ADAMTS6: variants seen among roughly 807,000 people sequenced by gnomAD.
ADAMTS6 encodes the protein ADAM metallopeptidase with thrombospondin type 1 motif 6.
In ADAMTS6, 23 loss-of-function variants were observed where a neutral mutation model predicts 144.3. The observed-to-expected ratio is 0.16, with a 90% CI of 0.11 to 0.23. ADAMTS6 has a LOEUF of 0.23. Among genes scored for constraint, ADAMTS6 ranks in the 10% least tolerant of loss-of-function variants. ADAMTS6 has a pLI of 1.00. For missense variants in ADAMTS6, 999 were observed against 1,379.6 expected, an observed-to-expected ratio of 0.72 and a Z score of 4.37; for synonymous variants, 444 against 457.5, an observed-to-expected ratio of 0.97 and a Z score of 0.38.
intron 14 of ADAMTS6, among the ~76,000 whole-genome samples, chr5:65,247,345 A>G (rs1368305678): frequency 6.6e-6 from 1 of 152,100 alleles, no homozygotes; most frequent in Non-Finnish European, 1.5e-5. Context: ...CTGGTAGACA[A>G]ATCTAAAAAA....
intron 14 of ADAMTS6, among the ~76,000 whole-genome samples, chr5:65,255,801 T>G (rs181932451): frequency 3.3e-5 from 5 of 152,242 alleles, no homozygotes; most frequent in Admixed American, 3.3e-4. Flanking sequence ...AATAACCTAG[T>G]CTATCATGAC....
intron 10 of ADAMTS6, among the ~76,000 whole-genome samples, chr5:65,292,167 C>T (rs548914999): frequency 1.3e-5 from 2 of 152,172 alleles, no homozygotes; most frequent in African/African-American, 4.8e-5. Flanking sequence ...GAACAAATAA[C>T]ATAAAGGTCG....
chr5:65,161,620 T>C (rs1025387718), intron 24 of ADAMTS6, among the ~76,000 whole-genome samples: 1 of 152,224 alleles, frequency 6.6e-6, no homozygotes, highest in African/African-American at 2.4e-5. Flanking sequence ...AAAATTTTCA[T>C]TTAAGTATTT....
At chr5:65,175,095 G>C (rs1157820665) in intron 22 of ADAMTS6, among the ~76,000 whole-genome samples, 1 of 152,052 alleles carries the variant, frequency 6.6e-6, no homozygotes, top group African/African-American at 2.4e-5. Context: ...CTTGGTTACA[G>C]CTGGTTTTAG....
chr5:65,402,608 A>T (rs1201976689), intron 7 of ADAMTS6, among the ~76,000 whole-genome samples: 2 of 152,020 alleles, frequency 1.3e-5, no homozygotes, highest in Non-Finnish European at 2.9e-5. Context: ...TCACACACCA[A>T]ATCTGACCAA....
At chr5:65,210,780 G>C in intron 20 of ADAMTS6, 1 of 608,502 alleles carries the variant, frequency 1.6e-6, no homozygotes, top group Non-Finnish European at 3.1e-6. Context: ...ATGCTTACAA[G>C]AAACAGTTCT....
At position 65,224,419 on chromosome 5, in the gene ADAMTS6, C is replaced by T. The variant is rs767953952; in HGVS notation, c.2192-19G>A. ...ATGTAGCCTGGAACACAGAAGATAG[C>T]CAGTATTAAGCAGCCTTGGTCAGGA... is the stretch of plus-strand genomic sequence containing the variant. On this transcript the variant is annotated intron_variant, in intron 17 of 24. Transcript: ENST00000381055. 4 of 1,608,806 alleles carry T rather than the reference C, an allele frequency of 2.5e-6. No homozygotes were observed. In the South Asian group the frequency reaches 3.3e-5, roughly 13 times the overall value.
intron 14 of ADAMTS6, among the ~76,000 whole-genome samples, chr5:65,253,967 C>T (rs972066438): frequency 5.3e-5 from 8 of 151,690 alleles, no homozygotes; most frequent in African/African-American, 1.5e-4. Flanking sequence ...ACCTCAGCCT[C>T]CCAAGTAGCT....
intron 11 of ADAMTS6, among the ~76,000 whole-genome samples, chr5:65,288,701 C>G (rs914927528): frequency 6.6e-6 from 1 of 152,110 alleles, no homozygotes; most frequent in African/African-American, 2.4e-5. Flanking sequence ...TTTTTCAACA[C>G]CAGATGTATC....
intron 20 of ADAMTS6, among the ~76,000 whole-genome samples, chr5:65,209,591 A>C (rs1262121243): frequency 6.6e-6 from 1 of 152,198 alleles, no homozygotes; most frequent in Non-Finnish European, 1.5e-5. Context: ...GCAACAGAAA[A>C]AGTCTCAAGC....
chr5:65,367,965 CA>C (rs1167228990), intron 7 of ADAMTS6, among the ~76,000 whole-genome samples: 2 of 151,670 alleles, frequency 1.3e-5, no homozygotes, highest in African/African-American at 2.4e-5. Context: ...TATTTTACTA[CA>C]AAAAAATTAT....
intron 7 of ADAMTS6, among the ~76,000 whole-genome samples, chr5:65,340,448 G>T (rs1747713534): frequency 6.6e-6 from 1 of 151,914 alleles, no homozygotes; most frequent in Admixed American, 6.6e-5. Context: ...AAACTCACTG[G>T]TCAAGCAAAT....
At chr5:65,329,665 C>T (rs749428991) in intron 8 of ADAMTS6, among the ~76,000 whole-genome samples, 182 bp from the exon 9 acceptor site, 19 of 152,116 alleles carry the variant, frequency 1.2e-4, no homozygotes, top group South Asian at 2.1e-4. Context: ...GCCGGCTAGA[C>T]ATTAATATTT....
chr5:65,315,959 T>C (rs1744952747), intron 9 of ADAMTS6, among the ~76,000 whole-genome samples: 1 of 152,236 alleles, frequency 6.6e-6, no homozygotes. Flanking sequence ...TCGCCCAGGC[T>C]GGAGTGCAGT....
intron 9 of ADAMTS6, among the ~76,000 whole-genome samples, chr5:65,327,572 T>C (rs1286803663): frequency 6.6e-6 from 1 of 152,130 alleles, no homozygotes; most frequent in Non-Finnish European, 1.5e-5. Context: ...TACTCCAAGA[T>C]ACATAAAACT....
chr5:65,192,221 C>T (rs1371200298), intron 21 of ADAMTS6, among the ~76,000 whole-genome samples: 6 of 131,244 alleles, frequency 4.6e-5, no homozygotes, highest in African/African-American at 1.6e-4. Flanking sequence ...TTTCCTTCAG[C>T]ACTTTTGCTT....
chr5:65,196,886 C>T, intron 21 of ADAMTS6, 136 bp downstream of exon 21: 1 of 1,063,250 alleles, frequency 9.4e-7, no homozygotes, highest in Non-Finnish European at 1.3e-6. Context: ...ATCAAAATTC[C>T]TCCCTCTCAG....
At chr5:65,254,230 T>C (rs193252633) in intron 14 of ADAMTS6, among the ~76,000 whole-genome samples, 417 of 152,236 alleles carry the variant, frequency 2.7e-3, no homozygotes, top group African/African-American at 8.4e-3. Flanking sequence ...GCTGTTAGAA[T>C]AGATTTTTAA....
At chr5:65,292,692 G>C (rs1047034014) in intron 10 of ADAMTS6, among the ~76,000 whole-genome samples, 1 of 151,988 alleles carries the variant, frequency 6.6e-6, no homozygotes, top group African/African-American at 2.4e-5. Context: ...ACAGACTACT[G>C]TCTTCTTTAT....
Sources: gnomAD v4.1 joint callset for allele counts (sites outside exome capture counted in the v4.1 genomes callset) on GRCh38, gnomAD v4.1.1 for gene constraint, MANE v1.5 for transcripts, NCBI Gene and HGNC (gene_info 2026-07-23, HGNC 2026-07-21) for gene names.